The following CAND2 variants were observed in gnomAD, a reference collection of about 807,000 sequenced individuals.
CAND2 encodes the protein cullin associated and neddylation dissociated 2 (putative).
Under a neutral mutation model 98.9 loss-of-function variants are expected in CAND2, and 62 were observed. The observed-to-expected ratio is 0.63, with a 90% CI of 0.51 to 0.77. The LOEUF (loss-of-function observed/expected upper bound fraction) is 0.77, where lower values mean the gene tolerates loss of function less well. CAND2 is among the 30% of genes least tolerant of loss of function. CAND2 has a pLI of 0.00. For synonymous variants in CAND2, 770 were observed against 731.9 expected (o/e 1.05, Z -0.84); for missense variants, 1,501 against 1,655.2 (o/e 0.91, Z 1.62).
In CAND2 at chr3:12,816,948, A is replaced by T. The variant is rs1431343769; in HGVS notation, c.2016A>T (p.Thr672=). ...ACCAGCGGGCTTTGCGACTGGCCAC[A>T]CTGGCAGCCCTGGACGCCCTGGCCC... The part of the protein sequence containing the change: ...RKNQRALRLA[T]LAALDALAQS... The change falls in exon 10 of 15, where the codon ACA becomes ACT. Residue 672 remains threonine, a synonymous_variant. Transcript: ENST00000456430. 1 of 1,613,326 alleles carries T rather than the reference A, an allele frequency of 6.2e-7. No homozygotes were observed. Among genetic ancestry groups the T allele is most frequent in the Admixed American group, 1.7e-5 (1 of 60,020 alleles).
At chr3:12,830,985 C>CTA (rs1415538458) in intron 13 of CAND2, among the ~76,000 whole-genome samples, 1 of 152,000 alleles carries the variant, frequency 6.6e-6, no homozygotes, top group Non-Finnish European at 1.5e-5. Flanking sequence ...CAGGCTGAAT[C>CTA]TAGGCCTGCA....
Position 12,817,380 on chromosome 3 carries a change from C to A in CAND2, c.2448C>A (p.Pro816=), listed in dbSNP as rs1427071730. 5.0e-6 allele frequency: 8 copies of A among 1,613,870 alleles called. No homozygotes were observed. The highest frequency in any genetic ancestry group is 6.8e-6 in the Non-Finnish European group (8 of 1,180,040). The change falls in exon 10 of 15, where the codon CCC becomes CCA. Residue 816 remains proline (P), a synonymous_variant. Transcript: ENST00000456430. ...TGGCAGCCCTCTCAGCTGCCTGTCC[C>A]CAAGAGGCGGCAAGCACAGCCAGTC... ...RCVAALSAAC[P]QEAASTASRL... is the part of the protein sequence containing the mutation.
chr3:12,799,229 T>A (rs973807689), intron 1 of CAND2, among the ~76,000 whole-genome samples: 1 of 152,142 alleles, frequency 6.6e-6, no homozygotes, highest in Non-Finnish European at 1.5e-5. Flanking sequence ...AAGAGCTAGA[T>A]TGTCCTATTG....
chr3:12,831,642 ACCCTT>A, intron 14 of CAND2, 70 bp downstream of exon 14: 3 of 952,764 alleles, frequency 3.1e-6, no homozygotes, highest in Non-Finnish European at 4.8e-6. Flanking sequence ...TCGTTCAGTT[ACCCTT>A]ACTGAGCACT....
chr3:12,818,810 G>T (rs575983498), intron 10 of CAND2, among the ~76,000 whole-genome samples: 1 of 152,354 alleles, frequency 6.6e-6, no homozygotes, highest in South Asian at 2.1e-4. Flanking sequence ...GGGTTCGTAA[G>T]AAGCAGTTGT....
rs1326220221 is a variant in CAND2, at chr3:12,810,325, G to C, written c.757+1G>C. ...GGCCGCCAGGCCGGCCACCGCCTCG[G>C]TAAGGGGGCAGGGGGCGGGGCCTGG... On this transcript the variant is annotated splice_donor_variant, in intron 5 of 14. Coordinates refer to ENST00000456430, the MANE Select transcript of CAND2 (RefSeq NM_001162499.2). LOFTEE classifies it high-confidence loss of function. 1.6e-5 allele frequency: 23 copies of C among 1,452,480 alleles called. No homozygotes were observed. The highest frequency in any genetic ancestry group is 2.7e-5 in the East Asian group (1 of 36,680). The allele number at this position is 1,452,480 out of a possible 1,614,324, so 90.0% of individuals were successfully genotyped here.
intron 5 of CAND2, among the ~76,000 whole-genome samples, 179 bp downstream of exon 5, chr3:12,810,503 G>A (rs2061843890): frequency 6.6e-6 from 1 of 152,158 alleles, no homozygotes; most frequent in South Asian, 2.1e-4. Context: ...GGGGCCTGGG[G>A]CGGGCGGCTG....
At chr3:12,799,944 C>T (rs796728683) in intron 1 of CAND2, among the ~76,000 whole-genome samples, 14 of 152,258 alleles carry the variant, frequency 9.2e-5, no homozygotes, top group African/African-American at 3.1e-4. Context: ...AGAAGAAGAG[C>T]GGGGATAGAA....
intron 14 of CAND2, 147 bp from the exon 15 acceptor site, chr3:12,833,608 G>C: frequency 1.5e-6 from 1 of 660,990 alleles, no homozygotes; most frequent in Non-Finnish European, 2.6e-6. Flanking sequence ...GAAATAGCTG[G>C]TGAGACAGAA....
intron 13 of CAND2, among the ~76,000 whole-genome samples, chr3:12,830,726 A>G (rs1031945715): frequency 2.0e-5 from 3 of 152,238 alleles, no homozygotes; most frequent in Admixed American, 6.5e-5. Flanking sequence ...CCCAGTTCAC[A>G]GGGGAGACGG....
At chr3:12,829,954 A>G (rs145304854) in intron 13 of CAND2, among the ~76,000 whole-genome samples, 180 of 152,326 alleles carry the variant, frequency 1.2e-3, no homozygotes, top group African/African-American at 3.9e-3. Flanking sequence ...ATTACAGACA[A>G]TGCTGCTGTG....
chr3:12,831,622 C>A, intron 14 of CAND2, 50 bp downstream of exon 14: 1 of 1,288,000 alleles, frequency 7.8e-7, no homozygotes, highest in Non-Finnish European at 1.1e-6. Flanking sequence ...CCTATGGAGT[C>A]CTCGGCCAGT....
At chr3:12,797,668 A>G (rs919451929) in intron 1 of CAND2, among the ~76,000 whole-genome samples, 3 of 152,168 alleles carry the variant, frequency 2.0e-5, no homozygotes, top group Non-Finnish European at 2.9e-5. Context: ...TGGCCCCTCC[A>G]GCTGAAAGAA....
At chr3:12,826,108 T>C (rs1401243758) in intron 12 of CAND2, among the ~76,000 whole-genome samples, 1 of 152,114 alleles carries the variant, frequency 6.6e-6, no homozygotes, top group Non-Finnish European at 1.5e-5. Context: ...CGCCTTACAA[T>C]GGTTCAACTT....
chr3:12,801,342 T>G (rs957768758), intron 1 of CAND2, among the ~76,000 whole-genome samples: 10 of 152,156 alleles, frequency 6.6e-5, no homozygotes, highest in Non-Finnish European at 1.3e-4. Flanking sequence ...CAGGCCAAAG[T>G]CAGTATTTTT....
chr3:12,802,571 G>T (rs3889513), intron 1 of CAND2, among the ~76,000 whole-genome samples: 1 of 151,740 alleles, frequency 6.6e-6, no homozygotes, highest in East Asian at 1.9e-4. Flanking sequence ...GGGGGCCACC[G>T]ATCCTGAAAC....
chr3:12,809,430 A>T (rs2061832508), intron 4 of CAND2, among the ~76,000 whole-genome samples: 1 of 152,174 alleles, frequency 6.6e-6, no homozygotes, highest in South Asian at 2.1e-4. Context: ...TGGGTAGGAC[A>T]TAGAAATAAG....
chr3:12,809,919 T>TG, intron 4 of CAND2, 140 bp from the exon 5 acceptor site: 1 of 890,582 alleles, frequency 1.1e-6, no homozygotes, highest in Non-Finnish European at 1.6e-6. Context: ...TCCTCACAGT[T>TG]GCAGGGCACC....
intron 11 of CAND2, among the ~76,000 whole-genome samples, chr3:12,820,868 A>C (rs1344526683): frequency 6.6e-6 from 1 of 152,210 alleles, no homozygotes; most frequent in Non-Finnish European, 1.5e-5. Flanking sequence ...CACCTGCCTC[A>C]GGTTCAAATC....
Sources: allele counts gnomAD v4.1 joint callset (sites outside exome capture counted in the v4.1 genomes callset), GRCh38; gene constraint gnomAD v4.1.1; transcripts MANE v1.5; gene names NCBI Gene and HGNC (gene_info 2026-07-23, HGNC 2026-07-21).